DCC: variants seen among roughly 807,000 people sequenced by gnomAD.
DCC encodes netrin receptor DCC.
In DCC, 58 loss-of-function variants were observed where a neutral mutation model predicts 172.5. The ratio of observed to expected loss-of-function variants is 0.34; its 90% confidence interval spans 0.27 to 0.42. The LOEUF (loss-of-function observed/expected upper bound fraction) is 0.42, where lower values mean the gene tolerates loss of function less well. Among genes scored for constraint, DCC ranks in the 10% least tolerant of loss-of-function variants. DCC has a pLI of 1.00. For synonymous variants in DCC, 709 were observed against 644.5 expected (o/e 1.10, Z -1.52); for missense variants, 1,740 against 1,791.0 (o/e 0.97, Z 0.51).
At chr18:53,059,201 C>G (rs2042458999) in intron 5 of DCC, among the ~76,000 whole-genome samples, 1 of 152,088 alleles carries the variant, frequency 6.6e-6, no homozygotes, top group Non-Finnish European at 1.5e-5. Context: ...GATTAAATTA[C>G]CTCCTACTGG....
chr18:53,131,797 C>G (rs1392537589), intron 7 of DCC, among the ~76,000 whole-genome samples: 1 of 151,864 alleles, frequency 6.6e-6, no homozygotes, highest in Non-Finnish European at 1.5e-5. Flanking sequence ...TCAGAAGAGA[C>G]AGAGAAAATC....
At chr18:53,144,891 A>G (rs1193131723) in intron 7 of DCC, among the ~76,000 whole-genome samples, 2 of 152,104 alleles carry the variant, frequency 1.3e-5, no homozygotes, top group African/African-American at 2.4e-5. Flanking sequence ...GAAATTCAGG[A>G]ACAGGAGATA....
chr18:53,179,702 A>G (rs151007701), intron 9 of DCC, among the ~76,000 whole-genome samples: 17 of 152,294 alleles, frequency 1.1e-4, no homozygotes, highest in African/African-American at 4.1e-4. Flanking sequence ...TCTTTGACCA[A>G]TGTATAATTC....
intron 1 of DCC, among the ~76,000 whole-genome samples, chr18:52,503,373 T>C (rs2144631694): frequency 6.6e-6 from 1 of 152,262 alleles, no homozygotes; most frequent in Non-Finnish European, 1.5e-5. Context: ...AACTGAGTTC[T>C]CAAAAAGAAG....
At chr18:53,441,243 G>A (rs1015152634) in intron 22 of DCC, among the ~76,000 whole-genome samples, 1 of 152,142 alleles carries the variant, frequency 6.6e-6, no homozygotes, top group Admixed American at 6.5e-5. Context: ...TGTCAGATAA[G>A]CATCAGGAAA....
At position 53,501,792 on chromosome 18, in the gene DCC, A is replaced by G. The variant is rs774397511; in HGVS notation, c.4111+2282A>G. 2.6e-5 allele frequency among the ~76,000 whole-genome samples: 4 copies of G among 152,330 alleles called. No homozygotes were observed. The East Asian group carries it at 5.8e-4, about 22-fold the overall frequency. On this transcript the variant is annotated intron_variant, in intron 27 of 28. Transcript: ENST00000442544. ...GGACACAAGATTTGGAAGTCAACCT[A>G]TGCTCTGAAGTGCTACAATAACAAA...
intron 25 of DCC, among the ~76,000 whole-genome samples, chr18:53,478,805 T>C (rs1254501801): frequency 6.6e-6 from 1 of 152,180 alleles, no homozygotes; most frequent in Admixed American, 6.5e-5. Context: ...GAAATAAAGC[T>C]ACATGAGAAA....
chr18:53,431,752 G>C, intron 21 of DCC, among the ~76,000 whole-genome samples: 1 of 152,138 alleles, frequency 6.6e-6, no homozygotes, highest in East Asian at 1.9e-4. Flanking sequence ...CCAAAGTTCT[G>C]GGATTACAGG....
At chr18:53,279,128 A>G (rs1396001059) in intron 12 of DCC, among the ~76,000 whole-genome samples, 1 of 152,032 alleles carries the variant, frequency 6.6e-6, no homozygotes, top group Non-Finnish European at 1.5e-5. Context: ...ATGGTATCTC[A>G]TTGTGGTTTT....
intron 2 of DCC, among the ~76,000 whole-genome samples, chr18:52,873,389 A>G (rs1490039124): frequency 6.6e-6 from 1 of 152,214 alleles, no homozygotes; most frequent in Non-Finnish European, 1.5e-5. Flanking sequence ...AAATACAGAC[A>G]TATCAGTCAG....
At chr18:52,442,875 T>C (rs61319586) in intron 1 of DCC, among the ~76,000 whole-genome samples, 3,542 of 152,204 alleles carry the variant, frequency 0.023, 131 homozygotes, top group African/African-American at 0.081. Flanking sequence ...CAGGCAGTCA[T>C]GGGGATCAGG....
At chr18:53,026,652 C>A (rs1376430820) in intron 5 of DCC, among the ~76,000 whole-genome samples, 1 of 152,114 alleles carries the variant, frequency 6.6e-6, no homozygotes, top group Non-Finnish European at 1.5e-5. Context: ...AACTTCTGGG[C>A]TCAAGCGAGC....
chr18:53,433,216 A>T (rs1911733766), intron 21 of DCC, among the ~76,000 whole-genome samples: 1 of 152,058 alleles, frequency 6.6e-6, no homozygotes, highest in South Asian at 2.1e-4. Context: ...GATTTCTTCT[A>T]CCTATTGAAA....
chr18:53,053,813 C>T (rs571416633), intron 5 of DCC, among the ~76,000 whole-genome samples: 1 of 152,220 alleles, frequency 6.6e-6, no homozygotes, highest in African/African-American at 2.4e-5. Context: ...TGATTTAACA[C>T]TTAAATCTTG....
chr18:52,380,436 A>C (rs1985536007), intron 1 of DCC, among the ~76,000 whole-genome samples: 2 of 152,098 alleles, frequency 1.3e-5, no homozygotes, highest in Admixed American at 1.3e-4. Flanking sequence ...GTACCCAAGC[A>C]CCTACGCAAT....
In DCC at chr18:52,632,644, G is replaced by C. The variant is rs146108887; in HGVS notation, c.92-119410G>C. Among the ~76,000 whole-genome samples the C allele has an allele frequency of 3.1e-3, 475 of 152,226 alleles. 2 individuals carry two copies. The highest frequency in any genetic ancestry group is 0.01 in the African/African-American group (430 of 41,540). On this transcript the variant is annotated intron_variant, in intron 1 of 28. Transcript: ENST00000442544. ...TTTTCTCCTGTTATCCTTCTTAATG[G>C]ATATATCCTGCCTTCTCATGACTTC...
At chr18:52,917,742 T>C (rs1028663861) in intron 3 of DCC, among the ~76,000 whole-genome samples, 1 of 152,192 alleles carries the variant, frequency 6.6e-6, no homozygotes, top group Non-Finnish European at 1.5e-5. Flanking sequence ...CCTCTTGCTG[T>C]CTGGGAGGAT....
intron 1 of DCC, among the ~76,000 whole-genome samples, chr18:52,361,671 G>A (rs1318651121): frequency 3.3e-5 from 5 of 152,150 alleles, no homozygotes; most frequent in African/African-American, 1.2e-4. Flanking sequence ...CAGAAACTCA[G>A]GCTTCATCCA....
At chr18:52,421,205 G>C (rs1987236562) in intron 1 of DCC, among the ~76,000 whole-genome samples, 1 of 152,124 alleles carries the variant, frequency 6.6e-6, no homozygotes, top group Admixed American at 6.6e-5. Context: ...AATGCAAATA[G>C]CCCATAAAAG....
Sources: gnomAD v4.1 joint callset for allele counts (sites outside exome capture counted in the v4.1 genomes callset) on GRCh38, gnomAD v4.1.1 for gene constraint, MANE v1.5 for transcripts, NCBI Gene and HGNC (gene_info 2026-07-23, HGNC 2026-07-21) for gene names.